Variants in SEC24C observed in about 807,000 individuals in gnomAD.
The protein encoded by SEC24C is SEC24 homolog C, COPII component.
SEC24C carries 22 observed loss-of-function variants against 117.0 expected under a neutral mutation model. That is an observed-to-expected ratio of 0.19 (90% CI 0.13 to 0.27). SEC24C has a LOEUF of 0.27. Ranked by LOEUF, SEC24C falls within the 10% of genes least tolerant of loss-of-function variation. SEC24C has a pLI of 1.00. For synonymous variants in SEC24C, 506 were observed against 529.4 expected (o/e 0.96, Z 0.61); for missense variants, 1,155 against 1,375.1 (o/e 0.84, Z 2.53).
intron 3 of SEC24C, among the ~76,000 whole-genome samples, chr10:73,754,970 C>A (rs1188021480): frequency 6.6e-6 from 1 of 151,824 alleles, no homozygotes. Flanking sequence ...CCTGTCTCTA[C>A]CAAAATACTA....
chr10:73,758,191 C>T (rs1374727446), intron 3 of SEC24C, among the ~76,000 whole-genome samples: 2 of 151,084 alleles, frequency 1.3e-5, no homozygotes, highest in Non-Finnish European at 2.9e-5. Context: ...GCCAAGATCG[C>T]ACCACTGCAC....
chr10:73,770,667 CAGAG>C, intron 21 of SEC24C, 38 bp from the exon 22 acceptor site: 1 of 1,603,598 alleles, frequency 6.2e-7, no homozygotes, highest in South Asian at 1.1e-5. Flanking sequence ...TGACTGAACT[CAGAG>C]TGCCTTACCA....
intron 1 of SEC24C, among the ~76,000 whole-genome samples, chr10:73,745,710 C>A (rs1308996785): frequency 6.6e-6 from 1 of 151,432 alleles, no homozygotes; most frequent in Non-Finnish European, 1.5e-5. Context: ...CCACCATGCC[C>A]GGCTAGTTTT....
At chr10:73,765,072 A>G (rs2082860248) in intron 8 of SEC24C, among the ~76,000 whole-genome samples, 2 of 152,168 alleles carry the variant, frequency 1.3e-5, no homozygotes, top group Admixed American at 1.3e-4. Flanking sequence ...AGGAGCTGGA[A>G]TCAAGATTCT....
In SEC24C at chr10:73,769,591, G is replaced by C. The variant is rs777293650; in HGVS notation, c.2564-24G>C. 3.7e-6 allele frequency: 6 copies of C among 1,613,400 alleles called. No individual in the cohort carries two copies. The highest frequency in any genetic ancestry group is 1.6e-4 in the Middle Eastern group (1 of 6,082). On this transcript the variant is annotated intron_variant, in intron 18 of 22. Transcript: ENST00000345254. This position sits in a 1 kb window ranked among gnomAD's most constrained non-coding sequence, Gnocchi z 4.5. ...CACACATGATGGGCAGCTGACCAGT[G>C]ACTATCTTTGCTTTCCCATCCAGCA...
chr10:73,749,391 C>T (rs1051162205), intron 2 of SEC24C, among the ~76,000 whole-genome samples: 1 of 152,114 alleles, frequency 6.6e-6, no homozygotes, highest in Non-Finnish European at 1.5e-5. Flanking sequence ...ACTTTTGGTG[C>T]GTCTCATGTC....
chr10:73,747,096 A>G (rs2082566341), intron 2 of SEC24C, 92 bp downstream of exon 2: 1 of 1,222,732 alleles, frequency 8.2e-7, no homozygotes, highest in East Asian at 2.8e-5. Flanking sequence ...GCTACCTGAG[A>G]AGTTTGGATA....
chr10:73,767,494 C>A (rs2082902928), intron 14 of SEC24C, among the ~76,000 whole-genome samples: 1 of 152,012 alleles, frequency 6.6e-6, no homozygotes, highest in Non-Finnish European at 1.5e-5. Context: ...ATGGCAAAAC[C>A]CCGTCTCTAC....
At chr10:73,766,673 G>A (rs1589527155) in intron 12 of SEC24C, 87 bp from the exon 13 acceptor site, 1 of 1,454,204 alleles carries the variant, frequency 6.9e-7, no homozygotes, top group Middle Eastern at 1.7e-4. Context: ...GATTCTAGAG[G>A]CTTGATGACT....
In SEC24C at chr10:73,756,052, G is replaced by A. The variant is rs1344822556; in HGVS notation, c.309-3570G>A. Reference sequence around the variant, plus strand: ...TTTTTAGTAGAGATGAGGTTTCACCGTGTTGGCCAGGCTGGTCTCAAACTC... The same window carrying A: ...TTTTTAGTAGAGATGAGGTTTCACCATGTTGGCCAGGCTGGTCTCAAACTC... On this transcript the variant is annotated intron_variant, in intron 3 of 22. Coordinates refer to ENST00000345254, the MANE Select transcript of SEC24C (RefSeq NM_198597.3). Among the ~76,000 whole-genome samples, 107 of 152,140 alleles carry A rather than the reference G, an allele frequency of 7.0e-4. 1 individual carries two copies. Among genetic ancestry groups the A allele is most frequent in the Non-Finnish European group, 4.3e-4 (29 of 67,976 alleles).
At chr10:73,764,423 C>T (rs542523166) in intron 8 of SEC24C, among the ~76,000 whole-genome samples, 1 of 151,426 alleles carries the variant, frequency 6.6e-6, no homozygotes. Context: ...ACTTGGGAGA[C>T]TGAGGCAGGA....
At chr10:73,770,642 T>C in intron 21 of SEC24C, 67 bp from the exon 22 acceptor site, 1 of 1,557,078 alleles carries the variant, frequency 6.4e-7, no homozygotes, top group South Asian at 1.1e-5. Context: ...TGCATACATG[T>C]ATGCTGCCCC....
At chr10:73,763,034 G>A (rs538896749) in intron 6 of SEC24C, among the ~76,000 whole-genome samples, 1 of 152,278 alleles carries the variant, frequency 6.6e-6, no homozygotes, top group East Asian at 1.9e-4. Flanking sequence ...AGTCATTCCA[G>A]GTAGATTCAT....
chr10:73,764,196 A>G (rs2082844149), intron 8 of SEC24C, among the ~76,000 whole-genome samples: 1 of 152,064 alleles, frequency 6.6e-6, no homozygotes, highest in Non-Finnish European at 1.5e-5. Flanking sequence ...GCTGAGAAGG[A>G]ACAGAGTCTC....
At chr10:73,745,442 C>T (rs1409935645) in intron 1 of SEC24C, among the ~76,000 whole-genome samples, 2 of 151,792 alleles carry the variant, frequency 1.3e-5, no homozygotes, top group Non-Finnish European at 2.9e-5. Flanking sequence ...CTAACTCTAA[C>T]TTTGCCCCTG....
chr10:73,750,711 T>G (rs1006292046), intron 2 of SEC24C, among the ~76,000 whole-genome samples: 8 of 152,246 alleles, frequency 5.3e-5, no homozygotes, highest in Admixed American at 6.5e-5. Flanking sequence ...TTGGTCATCT[T>G]CTGAGTCTCC....
chr10:73,766,918 G>T lies in SEC24C; in HGVS notation c.1893+65G>T, dbSNP rs546418470. On this transcript the variant is annotated intron_variant, in intron 13 of 22. Transcript: ENST00000345254. ...TTCCTCTGACCATCTTATCCCCTGG[G>T]ATACAACCTCTCTTTCTTCAGTAGT... 1,231 of 1,486,182 alleles carry T rather than the reference G, an allele frequency of 8.3e-4. 1 individual carries two copies. The highest frequency in any genetic ancestry group is 1.0e-3 in the Non-Finnish European group (1,099 of 1,063,948). The allele number at this position is 1,486,182 out of a possible 1,614,324, so 92.1% of individuals were successfully genotyped here.
In SEC24C at chr10:73,765,929, G is replaced by A; in HGVS notation, c.1482+14G>A. Reference sequence around the variant, plus strand: ...GATTACTGCAAGGTGAGGGAAGGTAGCATGGGAGGAGCAGTGAGTGGAGGA... The same window carrying A: ...GATTACTGCAAGGTGAGGGAAGGTAACATGGGAGGAGCAGTGAGTGGAGGA... On this transcript the variant is annotated intron_variant, in intron 10 of 22. Coordinates refer to ENST00000345254, the MANE Select transcript of SEC24C (RefSeq NM_198597.3). The A allele has an allele frequency of 6.2e-7, 1 of 1,604,564 alleles. No homozygotes were observed. Among genetic ancestry groups the A allele is most frequent in the Non-Finnish European group, 8.5e-7 (1 of 1,171,404 alleles).
intron 2 of SEC24C, 73 bp downstream of exon 2, chr10:73,747,077 T>A: frequency 1.4e-6 from 2 of 1,398,360 alleles, no homozygotes; most frequent in Non-Finnish European, 1.9e-6. Flanking sequence ...GTTGTATTGC[T>A]CTAGCTAAGC....
Sources: gnomAD v4.1 joint callset for allele counts (sites outside exome capture counted in the v4.1 genomes callset) on GRCh38, gnomAD v4.1.1 for gene constraint, Gnocchi (gnomAD v3.1) non-coding constraint, MANE v1.5 for transcripts, NCBI Gene and HGNC (gene_info 2026-07-23, HGNC 2026-07-21) for gene names.